TSHZ3: variants seen among roughly 807,000 people sequenced by gnomAD.
The protein encoded by TSHZ3 is teashirt zinc finger homeobox 3, also known as teashirt homolog 3.
A neutral mutation model predicts 64.5 loss-of-function variants in TSHZ3; 10 were observed. The ratio of observed to expected loss-of-function variants is 0.16; its 90% CI spans 0.10 to 0.26. TSHZ3 has a LOEUF of 0.26. Among genes scored for constraint, TSHZ3 ranks in the 10% least tolerant of loss-of-function variants. TSHZ3 has a pLI of 1.00. For synonymous variants in TSHZ3, 608 were observed against 593.1 expected, an observed-to-expected ratio of 1.03 and a Z score of -0.36; for missense variants, 1,242 against 1,421.7, an observed-to-expected ratio of 0.87 and a Z score of 2.03.
At chr19:31,190,359 G>A (rs570000150) in intron 5 of TSHZ3, among the ~76,000 whole-genome samples, 1 of 152,254 alleles carries the variant, frequency 6.6e-6, no homozygotes, top group Non-Finnish European at 1.5e-5. Context: ...AGGATATATA[G>A]CACTGGGAGT....
rs576712129 is a variant in TSHZ3 at position 31,246,347 on chromosome 19, T to TA, written n.64-3473dup. On this transcript the variant is annotated intron_variant and non_coding_transcript_variant, in intron 1 of 6. Transcript: ENST00000651361. ...TCTTACCTGTATTTAAAATCATTTT[T>TA]AAAAAGAATGTGTTCATGTATTACT... Among the ~76,000 whole-genome samples the TA allele has an allele frequency of 2.0e-4, 31 of 152,312 alleles. 1 individual carries two copies. In the East Asian group the frequency reaches 5.6e-3, roughly 27 times the overall value.
At chr19:31,241,195 C>T (rs556778032) in intron 3 of TSHZ3, among the ~76,000 whole-genome samples, 2 of 152,230 alleles carry the variant, frequency 1.3e-5, no homozygotes, top group East Asian at 3.9e-4. Context: ...TGCACATCGT[C>T]TAGTAGGCTT....
chr19:31,229,254 A>C (rs1975509135), intron 3 of TSHZ3, among the ~76,000 whole-genome samples: 1 of 152,218 alleles, frequency 6.6e-6, no homozygotes, highest in Non-Finnish European at 1.5e-5. Context: ...TAATCAAGTA[A>C]AGTTTGACCA....
At chr19:31,300,236 T>C (rs965463525) in intron 1 of TSHZ3, among the ~76,000 whole-genome samples, 1 of 152,182 alleles carries the variant, frequency 6.6e-6, no homozygotes, top group Non-Finnish European at 1.5e-5. Context: ...CTCTAACCCT[T>C]GTCACTGGCC....
chr19:31,240,152 T>C (rs1270555392), intron 3 of TSHZ3, among the ~76,000 whole-genome samples: 1 of 152,192 alleles, frequency 6.6e-6, no homozygotes, highest in Non-Finnish European at 1.5e-5. Flanking sequence ...ACAATTGTTT[T>C]CTGAGACTCA....
intron 1 of TSHZ3, among the ~76,000 whole-genome samples, chr19:31,259,739 C>G (rs1975960582): frequency 6.6e-6 from 1 of 152,132 alleles, no homozygotes; most frequent in African/African-American, 2.4e-5. Flanking sequence ...GCAGCTGTCA[C>G]TGTTTGCTGA....
intron 3 of TSHZ3, among the ~76,000 whole-genome samples, chr19:31,236,664 A>T (rs187584270): frequency 6.6e-6 from 1 of 152,322 alleles, no homozygotes; most frequent in East Asian, 1.9e-4. Context: ...ACACAAAAAT[A>T]AACTAAAAAT....
Position 31,277,774 on chromosome 19 carries a change from G to T in TSHZ3, c.2019C>A (p.Pro673=), listed in dbSNP as rs777392553. The T allele has an allele frequency of 7.8e-6, 12 of 1,529,444 alleles. No individual in the cohort carries two copies. The African/African-American group carries it at 1.5e-4, about 19-fold the overall frequency. 94.7% of individuals were successfully genotyped at this position (1,529,444 alleles called of 1,614,324 possible). A position where few individuals can be genotyped will look rare whatever the true frequency, so the allele number is the denominator to read the frequency against. ...TCCCATCCTTGCACCCATCCCGCGGGGGGCTGGGGCTGTTCTCCTGGCTGC... is the reference window on the plus strand; with the variant it reads ...TCCCATCCTTGCACCCATCCCGCGGTGGGCTGGGGCTGTTCTCCTGGCTGC... ...GFRSQENSPS[P]PRDGCKDGSP... The change falls in exon 2 of 2, where the codon CCC becomes CCA. Residue 673 remains proline (P), a synonymous_variant. Coordinates refer to ENST00000240587, the MANE Select transcript of TSHZ3 (RefSeq NM_020856.4). This position sits in a 1 kb window ranked among gnomAD's most constrained non-coding sequence, Gnocchi z 4.5.
At chr19:31,339,871 G>A (rs573879817) in intron 1 of TSHZ3, among the ~76,000 whole-genome samples, 3 of 148,768 alleles carry the variant, frequency 2.0e-5, no homozygotes, top group Non-Finnish European at 4.4e-5. Context: ...CCTAGCTGTC[G>A]CAACACCGTG....
chr19:31,314,467 T>G (rs946703494), intron 1 of TSHZ3, among the ~76,000 whole-genome samples: 2 of 152,196 alleles, frequency 1.3e-5, no homozygotes, highest in Admixed American at 6.5e-5. Context: ...GCTGCTCACC[T>G]CCTTCTGCCC....
intron 1 of TSHZ3, among the ~76,000 whole-genome samples, chr19:31,297,647 T>G (rs1568372997): frequency 6.6e-6 from 1 of 152,056 alleles, no homozygotes; most frequent in Non-Finnish European, 1.5e-5. Flanking sequence ...AATATTTTTT[T>G]TGTAGAGTCA....
intron 4 of TSHZ3, among the ~76,000 whole-genome samples, chr19:31,221,840 A>C (rs1164335965): frequency 1.3e-5 from 2 of 152,126 alleles, no homozygotes; most frequent in African/African-American, 4.8e-5. Flanking sequence ...ATAGCATCCT[A>C]ATGTGCTTCT....
chr19:31,306,356 TCTC>T (rs1181937516), intron 1 of TSHZ3, among the ~76,000 whole-genome samples: 1 of 152,222 alleles, frequency 6.6e-6, no homozygotes. Context: ...TCTATCTTCT[TCTC>T]ATCACCAAGA....
intron 5 of TSHZ3, among the ~76,000 whole-genome samples, chr19:31,187,434 G>T (rs1794482511): frequency 1.3e-5 from 2 of 151,322 alleles, no homozygotes; most frequent in Non-Finnish European, 1.5e-5. Context: ...TTTTAATTTG[G>T]ACCAAGTCCA....
intron 1 of TSHZ3, among the ~76,000 whole-genome samples, chr19:31,297,918 C>T (rs1443628169): frequency 6.6e-6 from 1 of 152,188 alleles, no homozygotes; most frequent in Non-Finnish European, 1.5e-5. Flanking sequence ...AGTGGTTATG[C>T]TCCTAAAACC....
intron 4 of TSHZ3, among the ~76,000 whole-genome samples, chr19:31,220,397 C>A (rs566555294): frequency 6.6e-6 from 1 of 152,016 alleles, no homozygotes; most frequent in African/African-American, 2.4e-5. Context: ...AAGTGAAGGG[C>A]GACAGGTTGT....
chr19:31,330,666 A>C (rs1191068872), intron 1 of TSHZ3, among the ~76,000 whole-genome samples: 1 of 149,090 alleles, frequency 6.7e-6, no homozygotes. Context: ...TCAAAACATC[A>C]ATGTGCTTTT....
intron 5 of TSHZ3, among the ~76,000 whole-genome samples, chr19:31,176,160 C>T (rs1038792776): frequency 1.3e-5 from 2 of 152,070 alleles, no homozygotes; most frequent in African/African-American, 2.4e-5. Context: ...GAGGCAAGGC[C>T]AGGTGGTGAG....
At position 31,196,236 on chromosome 19, in the gene TSHZ3, A is replaced by T. The variant is rs568318272; in HGVS notation, n.809+8720T>A. 3.3e-5 allele frequency among the ~76,000 whole-genome samples: 5 copies of T among 152,118 alleles called. No individual in the cohort carries two copies. The South Asian group carries it at 8.3e-4, about 25-fold the overall frequency. On this transcript the variant is annotated intron_variant and non_coding_transcript_variant, in intron 5 of 6. Transcript: ENST00000651361. ...AGTATAGTTACACTACAGTTATTAT[A>T]GTTATTTAAAAGTGGACTTGGATTA...
Sources: allele counts gnomAD v4.1 joint callset (sites outside exome capture counted in the v4.1 genomes callset), GRCh38; gene constraint gnomAD v4.1.1; non-coding constraint Gnocchi (gnomAD v3.1); transcripts MANE v1.5; gene names NCBI Gene and HGNC (gene_info 2026-07-23, HGNC 2026-07-21).